The following SNX8 variants were observed in gnomAD, a reference collection of about 807,000 sequenced individuals.
SNX8 encodes sorting nexin-8.
In SNX8, 25 loss-of-function variants were observed where a neutral mutation model predicts 51.6. The observed-to-expected ratio is 0.48, with a 90% CI of 0.35 to 0.68. SNX8 has a LOEUF of 0.68. Ranked by LOEUF, SNX8 falls within the 30% of genes least tolerant of loss-of-function variation. The pLI, the probability that SNX8 is intolerant of heterozygous loss-of-function variation, is 0.00. For missense variants in SNX8, 695 were observed against 624.0 expected, an observed-to-expected ratio of 1.11 and a Z score of -1.21; for synonymous variants, 324 against 277.0, an observed-to-expected ratio of 1.17 and a Z score of -1.68.
intron 10 of SNX8, among the ~76,000 whole-genome samples, chr7:2,255,496 C>T (rs1795155054): frequency 1.3e-5 from 2 of 152,212 alleles, no homozygotes; most frequent in Admixed American, 1.3e-4. Flanking sequence ...AGCTGCCGTG[C>T]GGGCACTGGC....
intron 3 of SNX8, chr7:2,274,824 A>G (rs1795738887): frequency 2.7e-6 from 1 of 372,976 alleles, no homozygotes; most frequent in South Asian, 3.9e-5. Context: ...CACTCTGGAG[A>G]GGAGAACTAG....
At position 2,269,539 on chromosome 7, in the gene SNX8, GAA is replaced by G; in HGVS notation, c.621+18_621+19del. The G allele has an allele frequency of 3.0e-6, 3 of 1,004,910 alleles. No homozygotes were observed. The highest frequency in any genetic ancestry group is 4.0e-6 in the Non-Finnish European group (3 of 743,014). 62.2% of individuals were successfully genotyped at this position (1,004,910 alleles called of 1,614,324 possible). On this transcript the variant is annotated intron_variant, in intron 5 of 10. Transcript: ENST00000222990. ...AAAATAAATTAAAAAAAAAAAAAAAGAAAAAAAAAAGAAAAATACCTTGGCCC... is the reference window on the plus strand; with the variant it reads ...AAAATAAATTAAAAAAAAAAAAAAAGAAAAAAAAGAAAAATACCTTGGCCC...
chr7:2,272,118 G>C (rs868118384), intron 3 of SNX8, 147 bp from the exon 4 acceptor site: 6 of 1,133,280 alleles, frequency 5.3e-6, no homozygotes, highest in Non-Finnish European at 7.4e-6. Flanking sequence ...GTGCTGCTCA[G>C]ACAATGGGTC....
chr7:2,291,812 C>G (rs538820688), intron 1 of SNX8, among the ~76,000 whole-genome samples: 13 of 152,268 alleles, frequency 8.5e-5, no homozygotes, highest in Non-Finnish European at 8.8e-5. Flanking sequence ...CCTTTTTGAA[C>G]CTTCCTCAAC....
intron 1 of SNX8, among the ~76,000 whole-genome samples, chr7:2,327,340 C>G (rs563496927): frequency 2.0e-5 from 3 of 147,136 alleles, no homozygotes; most frequent in Non-Finnish European, 4.5e-5. Flanking sequence ...CCTGGGTTCA[C>G]GCCATTCTCC....
chr7:2,346,685 G>A (rs1362432580), intron 1 of SNX8, among the ~76,000 whole-genome samples: 1 of 139,334 alleles, frequency 7.2e-6, no homozygotes, highest in Non-Finnish European at 1.5e-5. Context: ...GGCGGAGCTT[G>A]CAGTGAGCTG....
chr7:2,334,869 GAAAAAAA>G (rs71023399), intron 1 of SNX8, among the ~76,000 whole-genome samples: 4 of 80,112 alleles, frequency 5.0e-5, no homozygotes, highest in Admixed American at 1.6e-4. Flanking sequence ...GCCCATCTCT[GAAAAAAA>G]AAAAAAAAAA....
At chr7:2,329,442 G>C (rs535479623) in intron 1 of SNX8, among the ~76,000 whole-genome samples, 1 of 152,164 alleles carries the variant, frequency 6.6e-6, no homozygotes, top group South Asian at 2.1e-4. Flanking sequence ...TATGAACTAC[G>C]TTGTTTTTCG....
At chr7:2,267,010 C>T (rs898266256) in intron 5 of SNX8, among the ~76,000 whole-genome samples, 1 of 152,204 alleles carries the variant, frequency 6.6e-6, no homozygotes, top group Non-Finnish European at 1.5e-5. Flanking sequence ...GCAGAGGGCA[C>T]GAGGTGCCTG....
intron 1 of SNX8, among the ~76,000 whole-genome samples, chr7:2,320,485 C>A (rs970381655): frequency 6.6e-6 from 1 of 152,086 alleles, no homozygotes; most frequent in South Asian, 2.1e-4. Flanking sequence ...GTTTGGGAGG[C>A]CAAGGCAGGA....
intron 1 of SNX8, among the ~76,000 whole-genome samples, chr7:2,322,735 G>A (rs1017685554): frequency 6.6e-6 from 1 of 151,652 alleles, no homozygotes; most frequent in Non-Finnish European, 1.5e-5. Flanking sequence ...AAATGCTGTA[G>A]GCCAGGTGCT....
intron 1 of SNX8, among the ~76,000 whole-genome samples, chr7:2,313,178 C>T (rs1736954590): frequency 1.3e-5 from 2 of 151,936 alleles, no homozygotes; most frequent in East Asian, 2.0e-4. Flanking sequence ...AGATTACAAG[C>T]GTGAGCCACC....
At chr7:2,329,489 C>A (rs1778690082) in intron 1 of SNX8, among the ~76,000 whole-genome samples, 1 of 152,070 alleles carries the variant, frequency 6.6e-6, no homozygotes, top group South Asian at 2.1e-4. Context: ...ATGGTCCTTG[C>A]TACAGTGTTT....
rs1778791631 is a variant in SNX8, at chr7:2,334,575, G to A, written c.-66+19647C>T. ...AAAATTAGCTGGGCGTGGTGGTGTGGGCCTGTGGTCTCAGCTACTTGGGGG... is the reference window on the plus strand; with the variant it reads ...AAAATTAGCTGGGCGTGGTGGTGTGAGCCTGTGGTCTCAGCTACTTGGGGG... On this transcript the variant is annotated intron_variant, in intron 1 of 5. Transcript: ENST00000435336. Among the ~76,000 whole-genome samples, 7 of 151,740 alleles carry A rather than the reference G, an allele frequency of 4.6e-5. No individual in the cohort carries two copies. In the South Asian group the frequency reaches 1.5e-3, roughly 32 times the overall value.
chr7:2,312,602 A>C (rs1479844766), intron 1 of SNX8, among the ~76,000 whole-genome samples: 1 of 152,112 alleles, frequency 6.6e-6, no homozygotes, highest in Non-Finnish European at 1.5e-5. Flanking sequence ...CACATCGAGG[A>C]TGCCCACCAA....
intron 1 of SNX8, among the ~76,000 whole-genome samples, chr7:2,302,205 T>C (rs987487665): frequency 2.2e-4 from 33 of 152,234 alleles, no homozygotes; most frequent in Non-Finnish European, 4.4e-4. Flanking sequence ...CCTCCCTGCC[T>C]GATTCTCCTG....
rs1379686103 is a variant in SNX8, at chr7:2,253,757, C to A, written c.*1299G>T. The A allele has an allele frequency of 6.6e-6, 1 of 152,246 alleles. No individual in the cohort carries two copies. The highest frequency in any genetic ancestry group is 1.5e-5 in the Non-Finnish European group (1 of 68,112). The allele number at this position is 152,246 out of a possible 1,614,324, so 9.4% of individuals were successfully genotyped here. On this transcript the variant is annotated 3_prime_UTR_variant, in exon 11 of 11. Coordinates refer to ENST00000222990, the MANE Select transcript of SNX8 (RefSeq NM_013321.4). ...CTGCCTGCGGGGCACACACAGGAGT[C>A]CCCTCTCCATCCCACGGCCGTGAGC...
chr7:2,257,704 T>C, intron 8 of SNX8, 31 bp downstream of exon 8: 1 of 1,609,154 alleles, frequency 6.2e-7, no homozygotes, highest in Non-Finnish European at 8.5e-7. Flanking sequence ...CTGAAAGTTC[T>C]GCCCCCAGCC....
At chr7:2,267,967 C>T (rs1280925670) in intron 5 of SNX8, among the ~76,000 whole-genome samples, 2 of 145,200 alleles carry the variant, frequency 1.4e-5, no homozygotes, top group Admixed American at 6.8e-5. Flanking sequence ...CCCCGCCGCC[C>T]CATCTGGGAT....
Sources: gnomAD v4.1 joint callset for allele counts (sites outside exome capture counted in the v4.1 genomes callset) on GRCh38, gnomAD v4.1.1 for gene constraint, MANE v1.5 for transcripts, NCBI Gene and HGNC (gene_info 2026-07-23, HGNC 2026-07-21) for gene names.